Variants in CNTN1 observed in about 807,000 individuals in gnomAD.
CNTN1 encodes contactin 1, also known as contactin-1.
CNTN1 carries 38 observed loss-of-function variants against 126.4 expected under a neutral mutation model. That is an observed-to-expected ratio of 0.30 (90% CI 0.23 to 0.39). The LOEUF (loss-of-function observed/expected upper bound fraction) is 0.39, where lower values mean the gene tolerates loss of function less well. CNTN1 is among the 10% of genes least tolerant of loss of function. The pLI, the probability that CNTN1 is intolerant of heterozygous loss-of-function variation, is 1.00. For missense variants in CNTN1, 1,009 were observed against 1,248.4 expected (o/e 0.81, Z 2.89); for synonymous variants, 413 against 422.6 (o/e 0.98, Z 0.28).
chr12:40,988,578 C>A (rs1948023164), intron 16 of CNTN1, among the ~76,000 whole-genome samples: 1 of 152,052 alleles, frequency 6.6e-6, no homozygotes, highest in African/African-American at 2.4e-5. Flanking sequence ...CTTATGATAC[C>A]CATGAGGCTT....
At chr12:40,863,655 C>T (rs1037818997) in intron 1 of CNTN1, among the ~76,000 whole-genome samples, 4 of 152,096 alleles carry the variant, frequency 2.6e-5, no homozygotes, top group African/African-American at 9.7e-5. Flanking sequence ...AGCTCCACCC[C>T]CTGTCAATAG....
intron 16 of CNTN1, among the ~76,000 whole-genome samples, chr12:40,990,699 C>T (rs1357751889): frequency 6.6e-6 from 1 of 152,238 alleles, no homozygotes; most frequent in Non-Finnish European, 1.5e-5. Context: ...TCAACTGCAG[C>T]TTCTCCACAC....
At chr12:40,702,971 A>G (rs1032230850) in intron 1 of CNTN1, among the ~76,000 whole-genome samples, 12 of 152,156 alleles carry the variant, frequency 7.9e-5, no homozygotes, top group Non-Finnish European at 1.6e-4. Flanking sequence ...ATTCCTGGGA[A>G]TATTTTTCTA....
chr12:40,905,203 AGTT>A (rs1335890081), intron 1 of CNTN1, among the ~76,000 whole-genome samples: 1 of 152,176 alleles, frequency 6.6e-6, no homozygotes, highest in Non-Finnish European at 1.5e-5. Context: ...GCCCTAGAAA[AGTT>A]GTCTGTATTT....
At chr12:40,896,955 A>G (rs994333426) in intron 1 of CNTN1, among the ~76,000 whole-genome samples, 7 of 152,256 alleles carry the variant, frequency 4.6e-5, no homozygotes, top group Middle Eastern at 3.2e-3. Flanking sequence ...TAGTAGCTAC[A>G]TCATTTGTTT....
chr12:41,038,964 C>T (rs1035391853), intron 23 of CNTN1, among the ~76,000 whole-genome samples: 3 of 151,884 alleles, frequency 2.0e-5, no homozygotes, highest in African/African-American at 4.8e-5. Context: ...GTATTCCCAC[C>T]AGAACAGTAC....
intron 15 of CNTN1, among the ~76,000 whole-genome samples, chr12:40,965,411 C>A (rs1947269477): frequency 6.6e-6 from 1 of 152,036 alleles, no homozygotes; most frequent in South Asian, 2.1e-4. Context: ...ACTCACTATA[C>A]CAGAAAGATT....
intron 1 of CNTN1, among the ~76,000 whole-genome samples, chr12:40,883,469 C>G (rs553370308): frequency 1.3e-4 from 20 of 151,678 alleles, no homozygotes; most frequent in Admixed American, 3.9e-4. Flanking sequence ...ATTGATATTC[C>G]TTTTCTCCCT....
intron 23 of CNTN1, among the ~76,000 whole-genome samples, chr12:41,039,720 T>G (rs570717864): frequency 6.6e-6 from 1 of 152,120 alleles, no homozygotes; most frequent in African/African-American, 2.4e-5. Flanking sequence ...CCAGCCTGGA[T>G]GGAGATGGAG....
At chr12:40,904,137 G>A (rs1342993589) in intron 1 of CNTN1, among the ~76,000 whole-genome samples, 3 of 152,058 alleles carry the variant, frequency 2.0e-5, no homozygotes, top group Non-Finnish European at 2.9e-5. Context: ...TCCTGCCTCA[G>A]CCTCCCGAGT....
At chr12:40,791,846 G>A (rs1346183459) in intron 1 of CNTN1, among the ~76,000 whole-genome samples, 2 of 152,136 alleles carry the variant, frequency 1.3e-5, no homozygotes, top group African/African-American at 2.4e-5. Context: ...TCAATGATTG[G>A]GAGAGATGTT....
At chr12:40,947,893 C>A (rs1271148429) in intron 14 of CNTN1, among the ~76,000 whole-genome samples, 1 of 150,930 alleles carries the variant, frequency 6.6e-6, no homozygotes, top group Non-Finnish European at 1.5e-5. Context: ...TATTGCCTGT[C>A]TTATATGAAT....
At chr12:41,036,406 C>T (rs1275597646) in intron 23 of CNTN1, among the ~76,000 whole-genome samples, 1 of 152,026 alleles carries the variant, frequency 6.6e-6, no homozygotes, top group Non-Finnish European at 1.5e-5. Flanking sequence ...TGGTAATCAT[C>T]AAGACTAACT....
chr12:40,924,030 T>G (rs778451385), intron 5 of CNTN1, among the ~76,000 whole-genome samples: 9 of 152,084 alleles, frequency 5.9e-5, no homozygotes, highest in Non-Finnish European at 1.2e-4. Flanking sequence ...AAATTAGAAC[T>G]GAAACAAACC....
intron 17 of CNTN1, 25 bp from the exon 18 acceptor site, chr12:41,014,203 G>A: frequency 6.2e-7 from 1 of 1,611,190 alleles, no homozygotes; most frequent in Non-Finnish European, 8.5e-7. Flanking sequence ...TTGTTGTTTT[G>A]CATATATTTG....
At chr12:41,015,682 A>G (rs1449022944) in intron 18 of CNTN1, among the ~76,000 whole-genome samples, 1 of 152,064 alleles carries the variant, frequency 6.6e-6, no homozygotes, top group Non-Finnish European at 1.5e-5. Flanking sequence ...ATTTACTTCA[A>G]GGTTTTGCCT....
chr12:40,852,391 G>C (rs145724677), intron 1 of CNTN1, among the ~76,000 whole-genome samples: 2 of 152,070 alleles, frequency 1.3e-5, no homozygotes, highest in Non-Finnish European at 2.9e-5. Context: ...TTTAAACTTG[G>C]CTGGCTCTCT....
intron 23 of CNTN1, among the ~76,000 whole-genome samples, chr12:41,050,026 A>G (rs1949636044): frequency 1.3e-5 from 2 of 152,066 alleles, no homozygotes; most frequent in Non-Finnish European, 2.9e-5. Flanking sequence ...CAGCCTCCCA[A>G]GTAGCTGGGA....
chr12:41,028,331 C>T (rs1305387270), intron 22 of CNTN1, among the ~76,000 whole-genome samples: 3 of 152,056 alleles, frequency 2.0e-5, no homozygotes, highest in East Asian at 3.9e-4. Flanking sequence ...CACGGCTGGC[C>T]CCATTCAACT....
Sources: gnomAD v4.1 joint callset for allele counts (sites outside exome capture counted in the v4.1 genomes callset) on GRCh38, gnomAD v4.1.1 for gene constraint, MANE v1.5 for transcripts, NCBI Gene and HGNC (gene_info 2026-07-23, HGNC 2026-07-21) for gene names.